Variants in TF observed in about 807,000 individuals in gnomAD.
TF encodes the protein serotransferrin.
In TF, 55 loss-of-function variants were observed where a neutral mutation model predicts 82.4. The ratio of observed to expected loss-of-function variants is 0.67; its 90% CI spans 0.54 to 0.84. TF has a LOEUF of 0.84. TF is among the 40% of genes least tolerant of loss of function. The probability of loss-of-function intolerance (pLI) is 0.00; values close to 1 mark genes in which losing one functional copy is unlikely to be tolerated. For synonymous variants in TF, 332 were observed against 332.6 expected, an observed-to-expected ratio of 1.00 and a Z score of 0.02; for missense variants, 737 against 868.4, an observed-to-expected ratio of 0.85 and a Z score of 1.90.
rs772150140 is a variant in TF, at chr3:133,777,186, A to G, written c.2010A>G (p.Leu670=). Residue 670 remains leucine (L), a synonymous_variant, in exon 16 of 17, where the codon TTA becomes TTG. Coordinates refer to ENST00000402696, the MANE Select transcript of TF (RefSeq NM_001063.4). ...LHDRNTYEKY[L]GEEYVKAVGN... ...ACAGAAACACATATGAAAAATACTT[A>G]GGAGAAGAATATGTCAAGGCTGTTG... The G allele has an allele frequency of 6.2e-6, 10 of 1,614,070 alleles. No individual in the cohort carries two copies. Among genetic ancestry groups the G allele is most frequent in the Non-Finnish European group, 8.5e-6 (10 of 1,180,020 alleles).
chr3:133,721,697 T>G, the TF span, among the ~76,000 whole-genome samples: 1 of 152,226 alleles, frequency 6.6e-6, no homozygotes, highest in Non-Finnish European at 1.5e-5. Flanking sequence ...AGTCCTCTAT[T>G]ATCACTGTAT....
At chr3:133,703,445 T>C in the TF span, among the ~76,000 whole-genome samples, 27 of 152,204 alleles carry the variant, frequency 1.8e-4, no homozygotes, top group Non-Finnish European at 3.7e-4. Flanking sequence ...CGCTGTTGAT[T>C]GGACAAATTT....
chr3:133,666,939 G>A, the TF span, among the ~76,000 whole-genome samples: 1 of 152,130 alleles, frequency 6.6e-6, no homozygotes, highest in Non-Finnish European at 1.5e-5. Flanking sequence ...GGGAGGCTGA[G>A]GCAGGACAAT....
At chr3:133,762,116 G>T in intron 9 of TF, 1 of 213,406 alleles carries the variant, frequency 4.7e-6, no homozygotes, top group South Asian at 9.2e-5. Flanking sequence ...GTTTACAGAT[G>T]ATCGATCATA....
the TF span, chr3:133,692,663 GGGGGTGGTGA>G: frequency 6.6e-6 from 1 of 152,222 alleles, no homozygotes; most frequent in African/African-American, 2.4e-5. Flanking sequence ...CCACTTGCAG[GGGGGTGGTGA>G]GGTCCTAGCA....
the TF span, among the ~76,000 whole-genome samples, chr3:133,708,985 G>C: frequency 6.6e-6 from 1 of 152,110 alleles, no homozygotes; most frequent in African/African-American, 2.4e-5. Flanking sequence ...CATAGTGAAA[G>C]AGAGCTGACT....
At chr3:133,719,502 G>T in the TF span, among the ~76,000 whole-genome samples, 4 of 152,090 alleles carry the variant, frequency 2.6e-5, no homozygotes, top group African/African-American at 9.7e-5. Flanking sequence ...GTTCCTTGTG[G>T]TGTCTCCCTC....
rs1417817045 is a variant in TF at position 133,790,526 on chromosome 3, T to C, written c.*11906T>C. 1.3e-5 allele frequency: 2 copies of C among 152,226 alleles called. No homozygotes were observed. Among genetic ancestry groups the C allele is most frequent in the Non-Finnish European group, 2.9e-5 (2 of 68,044 alleles). 9.4% of individuals were successfully genotyped at this position (152,226 alleles called of 1,614,324 possible). ...GTAGAGGAGAACGATATGGAAAAAG[T>C]TTAGATAATAAAATATTCTTTAAAA... On this transcript the variant is annotated 3_prime_UTR_variant, in exon 17 of 17. Coordinates refer to ENST00000402696, the MANE Select transcript of TF (RefSeq NM_001063.4).
In TF at chr3:133,787,676, TTACAAAA is replaced by T. The variant is rs1934721997; in HGVS notation, c.*9057_*9063del. ...GTTGAGGAAGGTGAGAGGGAAGAAATTACAAAAGATGTTTTGCTATTGTGTACTAGAA... is the reference window on the plus strand; with the variant it reads ...GTTGAGGAAGGTGAGAGGGAAGAAATGATGTTTTGCTATTGTGTACTAGAA... On this transcript the variant is annotated 3_prime_UTR_variant, in exon 17 of 17. Coordinates refer to ENST00000402696, the MANE Select transcript of TF (RefSeq NM_001063.4). 6.6e-6 allele frequency: 1 copy of T among 152,202 alleles called. No homozygotes were observed. The highest frequency in any genetic ancestry group is 1.5e-5 in the Non-Finnish European group (1 of 68,014). 9.4% of individuals were successfully genotyped at this position (152,202 alleles called of 1,614,324 possible). A position where few individuals can be genotyped will look rare whatever the true frequency, so the allele number is the denominator to read the frequency against.
At chr3:133,770,473 C>T in intron 13 of TF, 35 bp from the exon 14 acceptor site, 2 of 1,589,132 alleles carry the variant, frequency 1.3e-6, no homozygotes, top group Non-Finnish European at 1.7e-6. Flanking sequence ...CTCTGACCGC[C>T]TTTTTTTTTC....
chr3:133,766,532 G>C, intron 12 of TF, 99 bp downstream of exon 12: 5 of 1,506,592 alleles, frequency 3.3e-6, no homozygotes, highest in Non-Finnish European at 4.6e-6. Context: ...TGTGGGCTCT[G>C]GTTCTAGAGA....
chr3:133,754,016 G>A (rs1164020604), intron 3 of TF: 1 of 491,106 alleles, frequency 2.0e-6, no homozygotes, highest in Admixed American at 3.3e-5. Flanking sequence ...AGGGTCCCTG[G>A]AGGCCTCTGG....
chr3:133,699,549 C>G, the TF span: 14 of 786,296 alleles, frequency 1.8e-5, no homozygotes, highest in Non-Finnish European at 2.4e-5. Flanking sequence ...GGCCTGGGTC[C>G]TTTCTCATAC....
chr3:133,683,784 A>G, the TF span, among the ~76,000 whole-genome samples: 1 of 152,218 alleles, frequency 6.6e-6, no homozygotes, highest in African/African-American at 2.4e-5. Flanking sequence ...TCAACATTAG[A>G]CAGATCAACG....
chr3:133,732,642 G>A, the TF span, among the ~76,000 whole-genome samples: 11 of 152,330 alleles, frequency 7.2e-5, no homozygotes, highest in Non-Finnish European at 1.6e-4. Context: ...AAGGTCTGCA[G>A]CTTCATTTCT....
In TF at chr3:133,789,707, G is replaced by A. The variant is rs1830083; in HGVS notation, c.*11087G>A. On this transcript the variant is annotated 3_prime_UTR_variant, in exon 17 of 17. Coordinates refer to ENST00000402696, the MANE Select transcript of TF (RefSeq NM_001063.4). ...GACTTAAGTATAACTTTCCTAAACA[G>A]GCTAGTTTTAAAATTATTGGTGAAG... 44,025 of 151,920 alleles carry A rather than the reference G, an allele frequency of 0.29. 7,069 individuals carry two copies. Among genetic ancestry groups the A allele is most frequent in the East Asian group, 0.46 (2,386 of 5,156 alleles). The allele number at this position is 151,920 out of a possible 1,614,324, so 9.4% of individuals were successfully genotyped here. A position where few individuals can be genotyped will look rare whatever the true frequency, so the allele number is the denominator to read the frequency against.
intron 16 of TF, 63 bp downstream of exon 16, chr3:133,777,301 G>T: frequency 6.4e-7 from 1 of 1,551,780 alleles, no homozygotes; most frequent in South Asian, 1.1e-5. Flanking sequence ...CTGGGATGGT[G>T]GGTGGGTACA....
chr3:133,746,177 T>G, upstream of TF: 2 of 577,128 alleles, frequency 3.5e-6, no homozygotes, highest in Non-Finnish European at 6.3e-6. Context: ...TTGTGCTTCA[T>G]GTCCCTTCCC....
chr3:133,728,064 C>T, the TF span, among the ~76,000 whole-genome samples: 1 of 152,212 alleles, frequency 6.6e-6, no homozygotes, highest in Admixed American at 6.5e-5. Context: ...GTAACCCAAC[C>T]TTTCTCCCTG....
Sources: gnomAD v4.1 joint callset for allele counts (sites outside exome capture counted in the v4.1 genomes callset) on GRCh38, gnomAD v4.1.1 for gene constraint, MANE v1.5 for transcripts, NCBI Gene and HGNC (gene_info 2026-07-23, HGNC 2026-07-21) for gene names.